Variants in CDC20B observed in about 807,000 individuals in gnomAD.
CDC20B encodes cell division cycle protein 20 homolog B.
A neutral mutation model predicts 64.1 loss-of-function variants in CDC20B; 58 were observed. The observed-to-expected ratio is 0.90, with a 90% CI of 0.73 to 1.13. The LOEUF is 1.13. CDC20B is among the 50% of genes most tolerant of loss of function. CDC20B has a pLI of 0.00. For synonymous variants in CDC20B, 243 were observed against 230.6 expected (o/e 1.05, Z -0.49); for missense variants, 597 against 633.0 (o/e 0.94, Z 0.61).
intron 2 of CDC20B, chr5:55,160,059 G>GTT (rs952309643): frequency 9.3e-5 from 59 of 634,760 alleles, no homozygotes; most frequent in African/African-American, 3.1e-4. Flanking sequence ...CCTCTGAGAA[G>GTT]TGGTCTTTCT....
At chr5:55,160,830 C>T (rs1580367302) in intron 2 of CDC20B, 1 of 664,364 alleles carries the variant, frequency 1.5e-6, no homozygotes, top group East Asian at 2.9e-5. Flanking sequence ...ACCCAGGCAT[C>T]TAGGTTACAG....
chr5:55,119,822 A>G lies in CDC20B; in HGVS notation c.1438T>C (p.Ser480Pro). The change falls in exon 11 of 12, where the codon TCC (serine) becomes CCC (proline). Residue 480 changes from serine (S) to proline (P), a missense_variant. Around this residue, in one of 3 missense-constraint regions of CDC20B, gnomAD observed 353 missense variants for 397.0 expected, o/e 0.89. Transcript: ENST00000381375. ...DVTVWTCPTV[S>P]RSGGFFGHRG... ...TTACCAAAAAACCCACCTGACCTGG[A>G]CACAGTGGGACAGGTCCACACAGTC... is the stretch of plus-strand genomic sequence containing the variant. 6.2e-7 allele frequency: 1 copy of G among 1,613,704 alleles called. No individual in the cohort carries two copies. The highest frequency in any genetic ancestry group is 8.5e-7 in the Non-Finnish European group (1 of 1,179,660).
At chr5:55,172,790 T>G in intron 1 of CDC20B, 140 bp from the exon 2 acceptor site, 1 of 808,334 alleles carries the variant, frequency 1.2e-6, no homozygotes, top group Non-Finnish European at 1.9e-6. Flanking sequence ...ACTAGGCACC[T>G]TCAGAATATA....
intron 2 of CDC20B, among the ~76,000 whole-genome samples, chr5:55,148,323 A>G (rs1165645790): frequency 2.0e-4 from 31 of 152,334 alleles, no homozygotes; most frequent in Non-Finnish European, 2.9e-5. Context: ...TGGAGGTTAA[A>G]TTAGTATCTG....
intron 4 of CDC20B, among the ~76,000 whole-genome samples, chr5:55,142,099 C>T (rs1163243716): frequency 6.6e-6 from 1 of 152,178 alleles, no homozygotes. Context: ...CGCTTCTGTT[C>T]TGTGGGTGCA....
intron 8 of CDC20B, chr5:55,126,466 CAA>C (rs34581363): frequency 0.2 from 19,255 of 97,060 alleles, 624 homozygotes; most frequent in East Asian, 0.27. Flanking sequence ...GATTCCATGT[CAA>C]AAAAAAAAAA....
In CDC20B at chr5:55,172,553, T is replaced by G. The variant is rs1177176753; in HGVS notation, c.126+35A>C. 4 of 1,532,338 alleles carry G rather than the reference T, an allele frequency of 2.6e-6. No homozygotes were observed. In the Admixed American group the frequency reaches 6.7e-5, roughly 26 times the overall value. 94.9% of individuals were successfully genotyped at this position (1,532,338 alleles called of 1,614,324 possible). ...AGAATTCGTTTGTTCAAGATCAGAA[T>G]TAAAACAGAGAACAAGAACAAGCCC... is the stretch of plus-strand genomic sequence containing the variant. On this transcript the variant is annotated intron_variant, in intron 2 of 11. Transcript: ENST00000381375.
At chr5:55,148,472 G>A (rs1375412935) in intron 2 of CDC20B, among the ~76,000 whole-genome samples, 1 of 152,192 alleles carries the variant, frequency 6.6e-6, no homozygotes, top group African/African-American at 2.4e-5. Flanking sequence ...GTAGCTCTTT[G>A]TGAGGCTGAG....
At chr5:55,161,381 A>G (rs1398186089) in intron 2 of CDC20B, 1 of 912,816 alleles carries the variant, frequency 1.1e-6, no homozygotes, top group Non-Finnish European at 1.6e-6. Context: ...CTATCATCAA[A>G]GAGCCAGAAT....
intron 2 of CDC20B, among the ~76,000 whole-genome samples, chr5:55,149,039 G>A (rs1361583639): frequency 6.6e-6 from 1 of 152,210 alleles, no homozygotes; most frequent in Non-Finnish European, 1.5e-5. Flanking sequence ...AAAGATGTGA[G>A]ACAGAGACTA....
In CDC20B at chr5:55,113,472, C is replaced by CTTT. The variant is rs1456783593; in HGVS notation, c.*743_*745dup. ...GGGGACTGAGAGGATCAGCACAGGA[C>CTTT]TTTTAGATGTTCAACCTAGCAGTGG... On this transcript the variant is annotated 3_prime_UTR_variant, in exon 12 of 12. Transcript: ENST00000381375. 1 of 152,500 alleles carries CTTT rather than the reference C, an allele frequency of 6.6e-6. No individual in the cohort carries two copies. Among genetic ancestry groups the CTTT allele is most frequent in the African/African-American group, 2.4e-5 (1 of 41,460 alleles). The allele number at this position is 152,500 out of a possible 1,614,324, so 9.4% of individuals were successfully genotyped here. A position where few individuals can be genotyped will look rare whatever the true frequency, so the allele number is the denominator to read the frequency against.
chr5:55,119,069 T>C (rs1482760607), intron 11 of CDC20B, among the ~76,000 whole-genome samples: 5 of 152,094 alleles, frequency 3.3e-5, no homozygotes, highest in Admixed American at 1.3e-4. Context: ...TAAGTAAACC[T>C]CAGGGATTGG....
chr5:55,120,692 A>G (rs1742736494), intron 9 of CDC20B, 142 bp from the exon 10 acceptor site: 3 of 901,296 alleles, frequency 3.3e-6, no homozygotes, highest in South Asian at 3.0e-5. Context: ...AGGCAGGAGC[A>G]ACTGCACCCT....
intron 2 of CDC20B, among the ~76,000 whole-genome samples, chr5:55,154,188 G>C (rs1281780080): frequency 6.6e-6 from 1 of 152,124 alleles, no homozygotes; most frequent in Non-Finnish European, 1.5e-5. Context: ...GCACATCCAA[G>C]GGTGGAAACC....
intron 6 of CDC20B, among the ~76,000 whole-genome samples, chr5:55,132,083 G>T (rs1743046882): frequency 1.3e-5 from 2 of 152,052 alleles, no homozygotes; most frequent in African/African-American, 4.8e-5. Flanking sequence ...AAGAAAAAGG[G>T]CTGTGGCTTA....
chr5:55,143,416 T>C, intron 4 of CDC20B, 97 bp downstream of exon 4: 1 of 1,237,716 alleles, frequency 8.1e-7, no homozygotes, highest in Non-Finnish European at 1.1e-6. Context: ...TTCTTATTGA[T>C]TGGTAAGAGA....
rs528198305 is a variant in CDC20B, at chr5:55,136,069, G to A, written c.581-2541C>T. ...AGCAATTCTCCTGCCTCAGCCTCCC[G>A]AGTAGCTGGGACTACAGGCACCCGC... On this transcript the variant is annotated intron_variant, in intron 5 of 11. Coordinates refer to ENST00000381375, the MANE Select transcript of CDC20B (RefSeq NM_001170402.1). The A allele has an allele frequency of 3.0e-3, 450 of 151,852 alleles. 4 individuals carry two copies. The highest frequency in any genetic ancestry group is 4.2e-3 in the Non-Finnish European group (286 of 68,014). 9.4% of individuals were successfully genotyped at this position (151,852 alleles called of 1,614,324 possible). A position where few individuals can be genotyped will look rare whatever the true frequency, so the allele number is the denominator to read the frequency against.
intron 2 of CDC20B, 43 bp from the exon 3 acceptor site, chr5:55,146,899 G>T: frequency 6.9e-7 from 1 of 1,443,066 alleles, no homozygotes; most frequent in Non-Finnish European, 9.7e-7. Flanking sequence ...TGGCCTCAGT[G>T]ATGCAAAAGT....
At chr5:55,160,098 G>T (rs377409024) in intron 2 of CDC20B, 1 of 865,138 alleles carries the variant, frequency 1.2e-6, no homozygotes, top group Non-Finnish European at 1.9e-6. Flanking sequence ...CAGTCAGCCT[G>T]TCCTTCCTGG....
Sources: allele counts gnomAD v4.1 joint callset (sites outside exome capture counted in the v4.1 genomes callset), GRCh38; gene constraint gnomAD v4.1.1; regional missense constraint gnomAD v4.1.1; transcripts MANE v1.5; gene names NCBI Gene and HGNC (gene_info 2026-07-23, HGNC 2026-07-21).